The following PHEX variants were observed in gnomAD, a reference collection of about 807,000 sequenced individuals.
PHEX encodes the protein phosphate regulating endopeptidase X-linked.
Under a neutral mutation model 68.0 loss-of-function variants are expected in PHEX, and 16 were observed. The ratio of observed to expected loss-of-function variants is 0.24; its 90% CI spans 0.16 to 0.36. The LOEUF is 0.36. Ranked by LOEUF, PHEX falls within the 10% of genes least tolerant of loss-of-function variation. The pLI is 1.00. For missense variants in PHEX, 480 were observed against 575.5 expected, an observed-to-expected ratio of 0.83 and a Z score of 1.70; for synonymous variants, 208 against 205.1, an observed-to-expected ratio of 1.01 and a Z score of -0.12.
At chrX:22,156,348 C>T (rs750665411) in intron 12 of PHEX, among the ~76,000 whole-genome samples, 7 of 109,786 alleles carry the variant, frequency 6.4e-5, no homozygotes, top group African/African-American at 2.0e-4. Context: ...TATTTTCCCC[C>T]GGTGCAAGAA....
At chrX:22,157,638 C>T (rs1013654221) in intron 12 of PHEX, among the ~76,000 whole-genome samples, 9 of 112,695 alleles carry the variant, frequency 8.0e-5, no homozygotes, top group Non-Finnish European at 1.3e-4. Flanking sequence ...TTTCCTTTTG[C>T]AGACAGAAGA....
chrX:22,201,309 T>G (rs1934545135), intron 15 of PHEX, among the ~76,000 whole-genome samples: 1 of 111,283 alleles, frequency 9.0e-6, no homozygotes, highest in Non-Finnish European at 1.9e-5. Flanking sequence ...CCTGAGCAGC[T>G]GGGACTACAG....
intron 13 of PHEX, among the ~76,000 whole-genome samples, chrX:22,169,242 A>AT (rs1449831506): frequency 8.9e-6 from 1 of 111,966 alleles, no homozygotes; most frequent in East Asian, 2.8e-4. Context: ...GAAAGCATTA[A>AT]TTAGAATCTT....
intron 5 of PHEX, among the ~76,000 whole-genome samples, chrX:22,086,890 C>T (rs1361212274): frequency 8.9e-6 from 1 of 112,196 alleles, no homozygotes; most frequent in Non-Finnish European, 1.9e-5. Flanking sequence ...AAAAAACATA[C>T]TTTATTTTCT....
chrX:22,107,755 C>T (rs1196987420), intron 9 of PHEX, among the ~76,000 whole-genome samples: 1 of 111,962 alleles, frequency 8.9e-6, no homozygotes, highest in African/African-American at 3.2e-5. Context: ...CTTTTGGGTG[C>T]TAGTGTCTAC....
rs750332020 is a variant in PHEX at position 22,165,947 on chromosome X, T to G, written c.1405-2365T>G. 3.6e-5 allele frequency among the ~76,000 whole-genome samples: 4 copies of G among 112,162 alleles called. No homozygotes were observed. In the South Asian group the frequency reaches 1.5e-3, roughly 42 times the overall value. On this transcript the variant is annotated intron_variant, in intron 12 of 21. Coordinates refer to ENST00000379374, the MANE Select transcript of PHEX (RefSeq NM_000444.6). Reference sequence around the variant, plus strand: ...CAGCCATAGTTGACAGGTAAACAAATGAGTGTGGCTATGTTCCAATAAAAC... The same window carrying G: ...CAGCCATAGTTGACAGGTAAACAAAGGAGTGTGGCTATGTTCCAATAAAAC...
At chrX:22,171,755 C>T (rs1350109990) in intron 13 of PHEX, 1 of 111,878 alleles carries the variant, frequency 8.9e-6, no homozygotes, top group East Asian at 2.8e-4. Flanking sequence ...ATTCCTGGTA[C>T]ACAATGAGAC....
At position 22,099,073 on chromosome X, in the gene PHEX, G is replaced by C; in HGVS notation, c.1001G>C (p.Ser334Thr). 8.3e-7 allele frequency: 1 copy of C among 1,206,096 alleles called. No homozygotes were observed. Among genetic ancestry groups the C allele is most frequent in the South Asian group, 1.8e-5 (1 of 56,822 alleles). ...TRLYPHLKDI[S>T]PSENVVVRVP... The stretch of plus-strand genomic sequence containing the variant: ...CTCTACCCCCATCTGAAAGACATCA[G>C]CCCCTCCGAGAATGTGGTGGTCCGC... The change falls in exon 9 of 22, where the codon AGC becomes ACC. Residue 334 changes from serine (S) to threonine (T), a missense_variant. Coordinates refer to ENST00000379374, the MANE Select transcript of PHEX (RefSeq NM_000444.6).
chrX:22,065,451 G>T (rs1420501651), intron 3 of PHEX, among the ~76,000 whole-genome samples: 5 of 110,982 alleles, frequency 4.5e-5, no homozygotes, highest in African/African-American at 1.6e-4. Context: ...TTTTGAGACA[G>T]AGTCTTGCTC....
intron 11 of PHEX, among the ~76,000 whole-genome samples, chrX:22,125,548 T>A (rs1455604122): frequency 9.0e-6 from 1 of 111,536 alleles, no homozygotes; most frequent in Non-Finnish European, 1.9e-5. Flanking sequence ...ACTATATTTT[T>A]AAACCATTCC....
chrX:22,136,559 G>A (rs1035097814), intron 12 of PHEX, among the ~76,000 whole-genome samples: 2 of 112,073 alleles, frequency 1.8e-5, no homozygotes, highest in Non-Finnish European at 3.8e-5. Flanking sequence ...AAAGGGAGAA[G>A]CTTTTCTTTC....
chrX:22,123,827 C>CTTT (rs1282832525), intron 11 of PHEX, among the ~76,000 whole-genome samples: 1 of 101,141 alleles, frequency 9.9e-6, no homozygotes, highest in African/African-American at 4.3e-5. Context: ...AATATAATTT[C>CTTT]TTTTTCTTTT....
intron 3 of PHEX, among the ~76,000 whole-genome samples, chrX:22,051,368 T>TA (rs1927826030): frequency 1.8e-5 from 2 of 111,221 alleles, no homozygotes; most frequent in South Asian, 3.8e-4. Flanking sequence ...CTGTTTTTCC[T>TA]AAAAATACAA....
intron 13 of PHEX, among the ~76,000 whole-genome samples, chrX:22,174,651 A>G (rs1389101679): frequency 9.0e-6 from 1 of 111,665 alleles, no homozygotes; most frequent in Non-Finnish European, 1.9e-5. Flanking sequence ...ACTAGAGAAA[A>G]CGCACTCATA....
Position 22,248,077 on chromosome X carries a change from G to C in PHEX, c.*124G>C, listed in dbSNP as rs991771621. 3.4e-5 allele frequency: 18 copies of C among 535,989 alleles called. No homozygotes were observed. The highest frequency in any genetic ancestry group is 2.1e-4 in the Admixed American group (8 of 38,105). 44.2% of individuals were successfully genotyped at this position (535,989 alleles called of 1,213,427 possible). A position where few individuals can be genotyped will look rare whatever the true frequency, so the allele number is the denominator to read the frequency against. ...ATTTTTAGTGCATTTTCATTATTTGGGTAGGTGACCTGCTTGGATCTAGAC... is the reference window on the plus strand; with the variant it reads ...ATTTTTAGTGCATTTTCATTATTTGCGTAGGTGACCTGCTTGGATCTAGAC... On this transcript the variant is annotated 3_prime_UTR_variant, in exon 22 of 22. Coordinates refer to ENST00000379374, the MANE Select transcript of PHEX (RefSeq NM_000444.6).
intron 3 of PHEX, among the ~76,000 whole-genome samples, chrX:22,057,590 C>CA (rs201728554): frequency 0.033 from 3,557 of 108,433 alleles, 177 homozygotes; most frequent in African/African-American, 0.11. Context: ...GACTCGATCT[C>CA]AAAGAAAAAA....
chrX:22,228,731 TTAAAAAAAAATTA>T (rs1380283480), intron 20 of PHEX, among the ~76,000 whole-genome samples: 3 of 109,621 alleles, frequency 2.7e-5, no homozygotes, highest in African/African-American at 9.9e-5. Flanking sequence ...TTACTTTACT[TTAAAAAAAAATTA>T]TACTTTAAGT....
At chrX:22,042,906 A>T (rs1208330795) in intron 2 of PHEX, among the ~76,000 whole-genome samples, 1 of 112,573 alleles carries the variant, frequency 8.9e-6, no homozygotes, top group African/African-American at 3.2e-5. Context: ...CCAGAAAACG[A>T]TGTAACTCTC....
At chrX:22,226,348 A>C in intron 18 of PHEX, 95 bp from the exon 19 acceptor site, 1 of 617,021 alleles carries the variant, frequency 1.6e-6, no homozygotes, top group Non-Finnish European at 2.7e-6. Context: ...AAAATATGAT[A>C]CTTTTCTTGC....
Sources: allele counts gnomAD v4.1 joint callset (sites outside exome capture counted in the v4.1 genomes callset), GRCh38; gene constraint gnomAD v4.1.1; transcripts MANE v1.5; gene names NCBI Gene and HGNC (gene_info 2026-07-23, HGNC 2026-07-21).